The following NXPH1 variants were observed in gnomAD, a reference collection of about 807,000 sequenced individuals.
The protein encoded by NXPH1 is neurexophilin 1, also known as neurexophilin-1.
Under a neutral mutation model 23.7 loss-of-function variants are expected in NXPH1, and 5 were observed. The ratio of observed to expected loss-of-function variants is 0.21; its 90% CI spans 0.11 to 0.44. The LOEUF (loss-of-function observed/expected upper bound fraction) is 0.44. Ranked by LOEUF, NXPH1 falls within the 20% of genes least tolerant of loss-of-function variation. The pLI, the probability that NXPH1 is intolerant of heterozygous loss-of-function variation, is 0.99. For synonymous variants in NXPH1, 144 were observed against 122.2 expected (o/e 1.18, Z -1.18); for missense variants, 324 against 321.6 (o/e 1.01, Z -0.06).
At chr7:8,516,784 C>T (rs769035462) in intron 2 of NXPH1, among the ~76,000 whole-genome samples, 42 of 152,086 alleles carry the variant, frequency 2.8e-4, no homozygotes, top group Non-Finnish European at 5.3e-4. Flanking sequence ...CTTATTCCCA[C>T]TCAAACAGGT....
At chr7:8,664,507 A>C (rs10246879) in intron 2 of NXPH1, among the ~76,000 whole-genome samples, 9,696 of 152,146 alleles carry the variant, frequency 0.064, 679 homozygotes, top group East Asian at 0.25. Context: ...GAAACTTACA[A>C]AGATATAAAA....
chr7:8,736,367 G>A (rs576285387), intron 2 of NXPH1, among the ~76,000 whole-genome samples: 20 of 151,988 alleles, frequency 1.3e-4, no homozygotes, highest in Middle Eastern at 3.4e-3. Flanking sequence ...TATTTATTTC[G>A]GCCTTCATTT....
Position 8,589,717 on chromosome 7 carries a change from C to T in NXPH1, c.54+153950C>T, listed in dbSNP as rs140394259. Among the ~76,000 whole-genome samples, 589 of 152,052 alleles carry T rather than the reference C, an allele frequency of 3.9e-3. 3 individuals carry two copies. The highest frequency in any genetic ancestry group is 6.0e-3 in the Non-Finnish European group (409 of 67,968). On this transcript the variant is annotated intron_variant, in intron 2 of 2. Coordinates refer to ENST00000405863, the MANE Select transcript of NXPH1 (RefSeq NM_152745.3). Reference sequence around the variant, plus strand: ...AACCAAATATGAAGTTGGGGCTGAACGGAAGCTATTAAAGACTATGCTCTG... The same window carrying T: ...AACCAAATATGAAGTTGGGGCTGAATGGAAGCTATTAAAGACTATGCTCTG...
chr7:8,724,742 G>A (rs1287019801), intron 2 of NXPH1, among the ~76,000 whole-genome samples: 4 of 152,178 alleles, frequency 2.6e-5, no homozygotes, highest in Non-Finnish European at 5.9e-5. Context: ...AACTCCAGGA[G>A]CACCACTCAG....
At chr7:8,508,244 T>A (rs147128995) in intron 2 of NXPH1, among the ~76,000 whole-genome samples, 25 of 152,256 alleles carry the variant, frequency 1.6e-4, no homozygotes, top group Non-Finnish European at 2.5e-4. Flanking sequence ...TAGGTATATT[T>A]CAACCCAACA....
At chr7:8,521,361 G>A (rs1409127079) in intron 2 of NXPH1, among the ~76,000 whole-genome samples, 4 of 152,172 alleles carry the variant, frequency 2.6e-5, no homozygotes, top group Non-Finnish European at 4.4e-5. Context: ...ACATTTGCCA[G>A]TGCTATAGTT....
chr7:8,674,095 T>G (rs1278054664), intron 2 of NXPH1, among the ~76,000 whole-genome samples: 1 of 151,996 alleles, frequency 6.6e-6, no homozygotes, highest in Admixed American at 6.6e-5. Context: ...TGTGAAAATA[T>G]CAATTACACA....
chr7:8,487,668 C>A (rs1197260920), intron 2 of NXPH1, among the ~76,000 whole-genome samples: 1 of 152,148 alleles, frequency 6.6e-6, no homozygotes, highest in African/African-American at 2.4e-5. Flanking sequence ...AAATATAAAT[C>A]TTTTTACTTC....
At chr7:8,505,693 A>C (rs1008385874) in intron 2 of NXPH1, among the ~76,000 whole-genome samples, 2 of 152,050 alleles carry the variant, frequency 1.3e-5, no homozygotes, top group African/African-American at 4.8e-5. Flanking sequence ...GTTTGCATTA[A>C]AGTTTTGCAT....
chr7:8,699,600 C>T (rs1026463352), intron 2 of NXPH1, among the ~76,000 whole-genome samples: 3 of 152,096 alleles, frequency 2.0e-5, no homozygotes, highest in Non-Finnish European at 4.4e-5. Context: ...GAATTTGCAA[C>T]AGTTAAGAAA....
At chr7:8,658,944 G>C (rs141512395) in intron 2 of NXPH1, among the ~76,000 whole-genome samples, 2 of 151,976 alleles carry the variant, frequency 1.3e-5, no homozygotes, top group East Asian at 3.9e-4. Flanking sequence ...TTTAAATGCT[G>C]TGATTTACAG....
Position 8,435,490 on chromosome 7 carries a change from C to T in NXPH1, c.-110-114C>T, listed in dbSNP as rs1816175871. ...TCGCTTTTCAATTTTTCGTACCCTC[C>T]CTCCCTTTTTTTTTTGGTCCCCCAC... On this transcript the variant is annotated intron_variant, in intron 1 of 2. Coordinates refer to ENST00000405863, the MANE Select transcript of NXPH1 (RefSeq NM_152745.3). The surrounding 1 kb of genome is among the most constrained non-coding windows in gnomAD (Gnocchi z 5.9). The T allele has an allele frequency of 1.7e-6, 1 of 577,736 alleles. No individual in the cohort carries two copies. The highest frequency in any genetic ancestry group is 2.1e-5 in the South Asian group (1 of 46,666). 35.8% of individuals were successfully genotyped at this position (577,736 alleles called of 1,614,324 possible).
chr7:8,738,573 G>T (rs6958442), intron 2 of NXPH1, among the ~76,000 whole-genome samples: 2 of 152,150 alleles, frequency 1.3e-5, no homozygotes, highest in African/African-American at 2.4e-5. Context: ...CTGCTTGGGG[G>T]TATCTCCCAG....
At chr7:8,728,483 G>A (rs1463470396) in intron 2 of NXPH1, among the ~76,000 whole-genome samples, 3 of 152,094 alleles carry the variant, frequency 2.0e-5, no homozygotes, top group Non-Finnish European at 4.4e-5. Context: ...GTTTGTCATA[G>A]ATAGCTTTTA....
chr7:8,641,726 T>C (rs994824241), intron 2 of NXPH1, among the ~76,000 whole-genome samples: 37 of 152,346 alleles, frequency 2.4e-4, no homozygotes, highest in African/African-American at 8.7e-4. Context: ...TAGTTACATC[T>C]CATTTTATTC....
rs12532809 is a variant in NXPH1 at position 8,623,504 on chromosome 7, G to C, written c.55-127504G>C. On this transcript the variant is annotated intron_variant, in intron 2 of 2. Transcript: ENST00000405863. ...AAATTAAAAAGATAAAAGAAACAGA[G>C]TAATTAACTACAAACACAACTTGTA... is the stretch of plus-strand genomic sequence containing the variant. 2.0e-5 allele frequency among the ~76,000 whole-genome samples: 3 copies of C among 151,692 alleles called. No individual in the cohort carries two copies. The South Asian group carries it at 6.2e-4, about 32-fold the overall frequency.
intron 2 of NXPH1, among the ~76,000 whole-genome samples, chr7:8,686,365 T>G (rs1408222872): frequency 6.6e-6 from 1 of 152,156 alleles, no homozygotes; most frequent in Non-Finnish European, 1.5e-5. Flanking sequence ...TCAGGAAAAT[T>G]TAAATTAGAT....
intron 2 of NXPH1, among the ~76,000 whole-genome samples, chr7:8,703,488 G>A (rs1779658476): frequency 6.6e-6 from 1 of 152,006 alleles, no homozygotes; most frequent in South Asian, 2.1e-4. Flanking sequence ...ATATACTCTG[G>A]GATTAGGTGA....
intron 2 of NXPH1, among the ~76,000 whole-genome samples, chr7:8,566,667 C>G (rs1033162642): frequency 6.6e-6 from 1 of 151,738 alleles, no homozygotes; most frequent in Admixed American, 6.6e-5. Context: ...CTCATGAGTT[C>G]GAAGGCCTTT....
Sources: gnomAD v4.1 joint callset for allele counts (sites outside exome capture counted in the v4.1 genomes callset) on GRCh38, gnomAD v4.1.1 for gene constraint, Gnocchi (gnomAD v3.1) non-coding constraint, MANE v1.5 for transcripts, NCBI Gene and HGNC (gene_info 2026-07-23, HGNC 2026-07-21) for gene names.